The following DDAH1 variants were observed in gnomAD, a reference collection of about 807,000 sequenced individuals.
The protein encoded by DDAH1 is N(G),N(G)-dimethylarginine dimethylaminohydrolase 1.
DDAH1 carries 19 observed loss-of-function variants against 28.8 expected under a neutral mutation model. That is an observed-to-expected ratio of 0.66 (90% CI 0.46 to 0.97). The LOEUF (loss-of-function observed/expected upper bound fraction) is 0.97, where lower values mean the gene tolerates loss of function less well. Among genes scored for constraint, DDAH1 ranks in the 50% least tolerant of loss-of-function variants. The pLI is 0.00. For synonymous variants in DDAH1, 153 were observed against 154.4 expected (o/e 0.99, Z 0.07); for missense variants, 326 against 375.9 (o/e 0.87, Z 1.10).
chr1:85,327,932 C>A (rs1238042343), intron 4 of DDAH1, among the ~76,000 whole-genome samples: 1 of 152,176 alleles, frequency 6.6e-6, no homozygotes, highest in East Asian at 1.9e-4. Flanking sequence ...CTAACTGGTT[C>A]ATTTCTTCAT....
rs1270258702 is a variant in DDAH1 at position 85,319,834 on chromosome 1, G to A, written c.*1618C>T. 2 of 143,910 alleles carry A rather than the reference G, an allele frequency of 1.4e-5. No homozygotes were observed. Among genetic ancestry groups the A allele is most frequent in the Non-Finnish European group, 3.0e-5 (2 of 66,312 alleles). The allele number at this position is 143,910 out of a possible 1,614,324, so 8.9% of individuals were successfully genotyped here. A position where few individuals can be genotyped will look rare whatever the true frequency, so the allele number is the denominator to read the frequency against. Reference sequence around the variant, plus strand: ...AATCAAATAAAAGGGAAAGATAGTGGTTAAGGATGTTTTCATTTTCTCAGA... The same window carrying A: ...AATCAAATAAAAGGGAAAGATAGTGATTAAGGATGTTTTCATTTTCTCAGA... On this transcript the variant is annotated 3_prime_UTR_variant, in exon 6 of 6. Coordinates refer to ENST00000284031, the MANE Select transcript of DDAH1 (RefSeq NM_012137.4).
chr1:85,429,817 C>T (rs1246202151), intron 1 of DDAH1, among the ~76,000 whole-genome samples: 1 of 152,102 alleles, frequency 6.6e-6, no homozygotes, highest in Non-Finnish European at 1.5e-5. Context: ...ATTTTGAGAA[C>T]TGTCTGTTCA....
chr1:85,435,737 A>C (rs1402314498), intron 1 of DDAH1, among the ~76,000 whole-genome samples: 1 of 152,194 alleles, frequency 6.6e-6, no homozygotes, highest in Non-Finnish European at 1.5e-5. Flanking sequence ...CAGAAGAGTA[A>C]GTGAAATAAA....
chr1:85,401,429 T>C (rs114479731), intron 1 of DDAH1, among the ~76,000 whole-genome samples: 1,790 of 151,934 alleles, frequency 0.012, 22 homozygotes, highest in Non-Finnish European at 0.019. Context: ...GGAAAAAGAG[T>C]TGTAATGAGG....
upstream of DDAH1, chr1:85,465,270 G>C: frequency 9.6e-7 from 1 of 1,037,796 alleles, no homozygotes; most frequent in Non-Finnish European, 1.2e-6. Flanking sequence ...CGGCGCTCGC[G>C]GGTCTCGCGC....
intron 1 of DDAH1, among the ~76,000 whole-genome samples, chr1:85,515,150 G>A (rs1303394548): frequency 1.3e-5 from 2 of 150,200 alleles, no homozygotes; most frequent in Admixed American, 6.7e-5. Context: ...AGCACTTTGG[G>A]GGGCCAAGGC....
At chr1:85,560,666 T>A (rs997002289) in intron 1 of DDAH1, among the ~76,000 whole-genome samples, 1 of 151,934 alleles carries the variant, frequency 6.6e-6, no homozygotes, top group Non-Finnish European at 1.5e-5. Flanking sequence ...ATAAGTAGCA[T>A]TAGAATGATT....
chr1:85,478,515 C>G (rs1655881488), intron 2 of DDAH1, among the ~76,000 whole-genome samples: 1 of 147,636 alleles, frequency 6.8e-6, no homozygotes, highest in Non-Finnish European at 1.5e-5. Context: ...CAGGGGAACT[C>G]CCATTTATGA....
At chr1:85,553,874 G>A (rs903498568) in intron 1 of DDAH1, among the ~76,000 whole-genome samples, 1 of 152,190 alleles carries the variant, frequency 6.6e-6, no homozygotes, top group Non-Finnish European at 1.5e-5. Flanking sequence ...CTGCAGAGTT[G>A]GAGCTAGTCT....
At chr1:85,392,802 A>G (rs964201639) in intron 1 of DDAH1, among the ~76,000 whole-genome samples, 1 of 151,234 alleles carries the variant, frequency 6.6e-6, no homozygotes, top group African/African-American at 2.4e-5. Flanking sequence ...AAAAAAAAAA[A>G]AAAAAAAAAA....
chr1:85,355,930 GACAA>G (rs778746297), intron 2 of DDAH1, among the ~76,000 whole-genome samples: 5 of 152,138 alleles, frequency 3.3e-5, no homozygotes, highest in Non-Finnish European at 7.4e-5. Context: ...AAAACTACAA[GACAA>G]ACAAAACTAA....
chr1:85,544,045 G>T (rs1369124674), intron 1 of DDAH1, among the ~76,000 whole-genome samples: 1 of 152,078 alleles, frequency 6.6e-6, no homozygotes, highest in South Asian at 2.1e-4. Context: ...CAATTATTTG[G>T]TTCTTGCAGG....
At chr1:85,566,387 G>C (rs182343699) in intron 1 of DDAH1, among the ~76,000 whole-genome samples, 1 of 151,210 alleles carries the variant, frequency 6.6e-6, no homozygotes, top group Non-Finnish European at 1.5e-5. Flanking sequence ...AGCTACTCAG[G>C]AGACTGATGT....
chr1:85,479,829 T>C (rs1281763732), intron 2 of DDAH1, among the ~76,000 whole-genome samples: 49 of 152,036 alleles, frequency 3.2e-4, no homozygotes, highest in Non-Finnish European at 3.7e-4. Context: ...TGGGAAAGAG[T>C]CATGCTGGGC....
intron 2 of DDAH1, among the ~76,000 whole-genome samples, chr1:85,357,808 C>A (rs1553125600): frequency 2.0e-5 from 3 of 152,212 alleles, no homozygotes; most frequent in Admixed American, 6.5e-5. Context: ...AGATTTTACA[C>A]ATGATTTTAT....
chr1:85,321,602 A>G, intron 5 of DDAH1, 34 bp from the exon 6 acceptor site: 1 of 1,492,706 alleles, frequency 6.7e-7, no homozygotes, highest in Non-Finnish European at 9.3e-7. Context: ...GAAGAAAAGA[A>G]GGATTATGTT....
chr1:85,326,804 T>C (rs1647434176), intron 4 of DDAH1, among the ~76,000 whole-genome samples: 2 of 152,244 alleles, frequency 1.3e-5, no homozygotes, highest in Non-Finnish European at 2.9e-5. Context: ...GGCTCACCTA[T>C]GGAGTGGGTC....
At chr1:85,364,659 C>T (rs930243466) in intron 1 of DDAH1, among the ~76,000 whole-genome samples, 1 of 152,054 alleles carries the variant, frequency 6.6e-6, no homozygotes, top group Non-Finnish European at 1.5e-5. Flanking sequence ...GCAATTCTGC[C>T]TCAGCCTCCC....
rs140219380 is a variant in DDAH1 at position 85,509,254 on chromosome 1, T to C, written c.-122-12973A>G. On this transcript the variant is annotated intron_variant, in intron 1 of 6. Transcript: ENST00000426972. ...CCAACAGACCTGCAGCTGAGGGACC[T>C]GACTCTTAGAAGGGAAACTAACAAA... is the stretch of plus-strand genomic sequence containing the variant. 6.3e-3 allele frequency among the ~76,000 whole-genome samples: 962 copies of C among 152,336 alleles called. 11 individuals are homozygous for C. The highest frequency in any genetic ancestry group is 0.022 in the African/African-American group (910 of 41,576).
Sources: gnomAD v4.1 joint callset for allele counts (sites outside exome capture counted in the v4.1 genomes callset) on GRCh38, gnomAD v4.1.1 for gene constraint, MANE v1.5 for transcripts, NCBI Gene and HGNC (gene_info 2026-07-23, HGNC 2026-07-21) for gene names.